The following ABR variants were observed in gnomAD, a reference collection of about 807,000 sequenced individuals.
ABR encodes the protein ABR activator of RhoGEF and GTPase.
Under a neutral mutation model 107.2 loss-of-function variants are expected in ABR, and 35 were observed. The observed-to-expected ratio is 0.33, with a 90% CI of 0.25 to 0.43. The LOEUF is 0.43. Ranked by LOEUF, ABR falls within the 20% of genes least tolerant of loss-of-function variation. The pLI, the probability that ABR is intolerant of heterozygous loss-of-function variation, is 1.00. For missense variants in ABR, 815 were observed against 1,115.2 expected (o/e 0.73, Z 3.83); for synonymous variants, 498 against 462.0 (o/e 1.08, Z -1.00).
intron 1 of ABR, among the ~76,000 whole-genome samples, chr17:1,169,207 G>A (rs936776824): frequency 1.3e-5 from 2 of 152,226 alleles, no homozygotes; most frequent in African/African-American, 4.8e-5. Flanking sequence ...GAGCAGAGGA[G>A]GGCAGAGAAG....
intron 1 of ABR, among the ~76,000 whole-genome samples, chr17:1,174,360 C>T (rs1294353626): frequency 6.6e-6 from 1 of 152,232 alleles, no homozygotes; most frequent in African/African-American, 2.4e-5. Context: ...CGCTCACTAG[C>T]ACACACGGAG....
intron 16 of ABR, among the ~76,000 whole-genome samples, chr17:1,020,201 G>A (rs1226682877): frequency 6.6e-6 from 1 of 152,124 alleles, no homozygotes; most frequent in Admixed American, 6.5e-5. Context: ...TCCTGCCTCA[G>A]CCTCCCGAGT....
intron 4 of ABR, among the ~76,000 whole-genome samples, chr17:1,090,114 C>T (rs2036918044): frequency 6.6e-6 from 1 of 152,140 alleles, no homozygotes; most frequent in African/African-American, 2.4e-5. Context: ...TGGGAACTGA[C>T]CAGGGGAGGC....
At chr17:1,187,851 G>GCCA (rs2042343262), upstream of ABR, among the ~76,000 whole-genome samples, 1 of 151,826 alleles carries the variant, frequency 6.6e-6, no homozygotes, top group Non-Finnish European at 1.5e-5. Context: ...CCGAGATCAT[G>GCCA]CCACCGCACT....
chr17:1,183,132 T>C (rs995472657), upstream of ABR, among the ~76,000 whole-genome samples: 2 of 152,152 alleles, frequency 1.3e-5, no homozygotes, highest in Non-Finnish European at 2.9e-5. Flanking sequence ...CCCCAATCTG[T>C]CAGAGGAGCG....
intron 2 of ABR, among the ~76,000 whole-genome samples, chr17:1,115,693 G>A (rs1383620612): frequency 6.6e-6 from 1 of 152,204 alleles, no homozygotes; most frequent in Non-Finnish European, 1.5e-5. Flanking sequence ...GGGAGGCCGA[G>A]GCGGGCAGAT....
chr17:1,196,168 G>A (rs895092663), intron 1 of ABR, among the ~76,000 whole-genome samples: 2 of 147,810 alleles, frequency 1.4e-5, no homozygotes, highest in South Asian at 4.2e-4. Flanking sequence ...GGTGGCTCAC[G>A]CCTATAATCC....
At chr17:1,144,328 G>T (rs548700246) in intron 1 of ABR, among the ~76,000 whole-genome samples, 1 of 152,130 alleles carries the variant, frequency 6.6e-6, no homozygotes, top group African/African-American at 2.4e-5. Context: ...ATGCAGGGGC[G>T]GGCACAGACT....
intron 1 of ABR, among the ~76,000 whole-genome samples, chr17:1,160,936 C>T (rs2151567227): frequency 6.6e-6 from 1 of 152,362 alleles, no homozygotes; most frequent in East Asian, 1.9e-4. Flanking sequence ...TCGAGCCTTG[C>T]TCTCTGGCCC....
chr17:1,019,610 T>C (rs530543443), intron 16 of ABR, among the ~76,000 whole-genome samples: 1 of 152,386 alleles, frequency 6.6e-6, no homozygotes, highest in East Asian at 1.9e-4. Flanking sequence ...CAAGTCTATT[T>C]CAGGATATCA....
At chr17:1,047,388 G>A (rs1387991646) in intron 16 of ABR, among the ~76,000 whole-genome samples, 5 of 152,222 alleles carry the variant, frequency 3.3e-5, no homozygotes, top group Non-Finnish European at 7.3e-5. Flanking sequence ...GTGTGGACTC[G>A]TCACCCAGCC....
At position 1,012,786 on chromosome 17, in the gene ABR, T is replaced by C. The variant is rs1304556946; in HGVS notation, c.1863A>G (p.Glu621=). Residue 621 remains glutamate (E), a synonymous_variant, in exon 18 of 23, where the codon GAA becomes GAG. Transcript: ENST00000302538. ...DVIEMNGIKV[E]FSMKFTSRDM... is the part of the protein sequence containing the mutation. ...CTCGGCTGGTGAATTTCATGGAAAA[T>C]TCCACTTTGATCTGGTTGGGGGGTG... 1 of 1,585,262 alleles carries C rather than the reference T, an allele frequency of 6.3e-7. No individual in the cohort carries two copies. Among genetic ancestry groups the C allele is most frequent in the Non-Finnish European group, 8.6e-7 (1 of 1,164,764 alleles).
upstream of ABR, among the ~76,000 whole-genome samples, chr17:1,184,414 C>G (rs2042228951): frequency 1.3e-5 from 2 of 152,024 alleles, no homozygotes; most frequent in Admixed American, 1.3e-4. Context: ...GAGATCACGC[C>G]ACTGCACTCC....
intron 16 of ABR, among the ~76,000 whole-genome samples, chr17:1,042,705 T>A (rs1053188229): frequency 3.1e-4 from 47 of 151,372 alleles, no homozygotes; most frequent in Non-Finnish European, 6.6e-4. Flanking sequence ...GGCACCTACA[T>A]CCACGGATGG....
intron 1 of ABR, among the ~76,000 whole-genome samples, chr17:1,146,687 ACACCACTGCCACCATGC>A (rs1567823923): frequency 3.6e-5 from 5 of 138,554 alleles, no homozygotes; most frequent in African/African-American, 1.1e-4. Context: ...CTGCCACACG[ACACCACTGCCACCATGC>A]CACCACTGCC....
chr17:1,051,353 C>T lies in ABR; in HGVS notation c.1562-719G>A, dbSNP rs1157095908. On this transcript the variant is annotated intron_variant, in intron 14 of 22. Transcript: ENST00000302538. This position sits in a 1 kb window ranked among gnomAD's most constrained non-coding sequence, Gnocchi z 4.3. Reference sequence around the variant, plus strand: ...GCAGTACCAAGAACAGGGCTGGGAACCCAGCTGGCACACGGTGAACGAGGC... The same window carrying T: ...GCAGTACCAAGAACAGGGCTGGGAATCCAGCTGGCACACGGTGAACGAGGC... Among the ~76,000 whole-genome samples, 1 of 152,184 alleles carries T rather than the reference C, an allele frequency of 6.6e-6. No individual in the cohort carries two copies. The highest frequency in any genetic ancestry group is 1.5e-5 in the Non-Finnish European group (1 of 68,028).
chr17:1,124,802 C>T (rs1245380219), intron 2 of ABR, among the ~76,000 whole-genome samples: 1 of 152,198 alleles, frequency 6.6e-6, no homozygotes, highest in Non-Finnish European at 1.5e-5. Context: ...ACACCTGGAG[C>T]CCACGGGCCA....
chr17:1,037,480 G>A lies in ABR; in HGVS notation c.1791+12570C>T, dbSNP rs1171407873. Among the ~76,000 whole-genome samples, 1 of 152,220 alleles carries A rather than the reference G, an allele frequency of 6.6e-6. No individual in the cohort carries two copies. Among genetic ancestry groups the A allele is most frequent in the East Asian group, 1.9e-4 (1 of 5,198 alleles). On this transcript the variant is annotated intron_variant, in intron 16 of 22. Transcript: ENST00000302538. This position sits in a 1 kb window ranked among gnomAD's most constrained non-coding sequence, Gnocchi z 4.6. ...AGAAGTGTCCCGACAGCCCGTCCCT[G>A]GCAAACCCTAGCGATTCTCACAGCA...
At chr17:1,061,055 C>T (rs1243981508) in intron 10 of ABR, among the ~76,000 whole-genome samples, 4 of 152,324 alleles carry the variant, frequency 2.6e-5, no homozygotes, top group Admixed American at 2.6e-4. Flanking sequence ...CAGAGGACGG[C>T]ACCTGTGCCT....
Sources: gnomAD v4.1 joint callset for allele counts (sites outside exome capture counted in the v4.1 genomes callset) on GRCh38, gnomAD v4.1.1 for gene constraint, Gnocchi (gnomAD v3.1) non-coding constraint, MANE v1.5 for transcripts, NCBI Gene and HGNC (gene_info 2026-07-23, HGNC 2026-07-21) for gene names.